Variants in GRIK4 observed in about 807,000 individuals in gnomAD.
GRIK4 encodes the protein glutamate receptor ionotropic, kainate 4.
Under a neutral mutation model 104.9 loss-of-function variants are expected in GRIK4, and 40 were observed. That is an observed-to-expected ratio of 0.38 (90% confidence interval 0.30 to 0.50). GRIK4 has a LOEUF of 0.50. GRIK4 is among the 20% of genes least tolerant of loss of function. The probability of loss-of-function intolerance (pLI) is 0.93; values close to 1 mark genes in which losing one functional copy is unlikely to be tolerated. For synonymous variants in GRIK4, 485 were observed against 524.9 expected, an observed-to-expected ratio of 0.92 and a Z score of 1.04; for missense variants, 1,047 against 1,308.1, an observed-to-expected ratio of 0.80 and a Z score of 3.08.
At chr11:120,867,721 CA>C (rs1013432896) in intron 9 of GRIK4, among the ~76,000 whole-genome samples, 1 of 151,936 alleles carries the variant, frequency 6.6e-6, no homozygotes, top group African/African-American at 2.4e-5. Flanking sequence ...TCCATGCCCC[CA>C]GGCCATACCT....
chr11:120,806,382 T>A lies in GRIK4; in HGVS notation c.247+3525T>A, dbSNP rs139350942. 1.5e-3 allele frequency among the ~76,000 whole-genome samples: 227 copies of A among 152,308 alleles called. 1 individual carries two copies. Among genetic ancestry groups the A allele is most frequent in the African/African-American group, 5.4e-3 (223 of 41,568 alleles). ...GATAGCTCTGAGCCTTTTAAAGTTG[T>A]GGTGAGCCACCTCAAGCCAGCTGCT... On this transcript the variant is annotated intron_variant, in intron 4 of 20. Transcript: ENST00000527524.
chr11:120,914,027 C>T (rs771678121), intron 13 of GRIK4, among the ~76,000 whole-genome samples: 3 of 152,220 alleles, frequency 2.0e-5, no homozygotes, highest in African/African-American at 7.2e-5. Context: ...GTGTGACAGC[C>T]GAGCTCAGCG....
intron 8 of GRIK4, among the ~76,000 whole-genome samples, chr11:120,855,357 G>T (rs7342200): frequency 2.0e-5 from 3 of 152,048 alleles, no homozygotes; most frequent in Admixed American, 1.3e-4. Flanking sequence ...GAACAGATGC[G>T]ATGTGAGGCA....
intron 3 of GRIK4, among the ~76,000 whole-genome samples, chr11:120,675,783 G>A (rs1461705166): frequency 4.6e-5 from 7 of 152,272 alleles, no homozygotes; most frequent in Admixed American, 3.3e-4. Context: ...ATGAGCTAAT[G>A]TATGGAAAAT....
intron 3 of GRIK4, among the ~76,000 whole-genome samples, chr11:120,730,334 G>A (rs549740379): frequency 1.3e-5 from 2 of 152,196 alleles, no homozygotes; most frequent in African/African-American, 4.8e-5. Context: ...CTCCAGCCTG[G>A]GTGACAAAGT....
rs145485333 is a variant in GRIK4, at chr11:120,962,912, A to C, written c.2266+231A>C. On this transcript the variant is annotated intron_variant, in intron 18 of 20. Coordinates refer to ENST00000527524, the MANE Select transcript of GRIK4 (RefSeq NM_014619.5). ...TTAATTATTAAAGAGCTAGTTGATT[A>C]GTTACTGATTGATTAATTGACTAAT... The C allele has an allele frequency of 4.7e-3, 2,038 of 433,814 alleles. 5 individuals are homozygous for C. The highest frequency in any genetic ancestry group is 6.6e-3 in the Non-Finnish European group (1,614 of 245,656). The allele number at this position is 433,814 out of a possible 1,614,324, so 26.9% of individuals were successfully genotyped here.
chr11:120,927,586 A>G (rs3018282), intron 13 of GRIK4, among the ~76,000 whole-genome samples: 43,064 of 93,648 alleles, frequency 0.46, 9,390 homozygotes, highest in East Asian at 0.58. Flanking sequence ...AAAAAAAAAA[A>G]AAAGAAAGAA....
At chr11:120,780,886 C>T (rs1054725517) in intron 3 of GRIK4, among the ~76,000 whole-genome samples, 10 of 152,188 alleles carry the variant, frequency 6.6e-5, no homozygotes, top group African/African-American at 2.2e-4. Context: ...GGACTACAGG[C>T]GCCTGCCACC....
At chr11:120,958,439 C>G (rs2134719469) in intron 16 of GRIK4, among the ~76,000 whole-genome samples, 1 of 152,374 alleles carries the variant, frequency 6.6e-6, no homozygotes, top group East Asian at 1.9e-4. Context: ...GCTTCTCTCC[C>G]AGCACACTAA....
chr11:120,729,281 A>C (rs2135388668), intron 3 of GRIK4, among the ~76,000 whole-genome samples: 1 of 152,318 alleles, frequency 6.6e-6, no homozygotes, highest in South Asian at 2.1e-4. Flanking sequence ...CATACCTAGC[A>C]GTGGATTCCT....
chr11:120,834,902 C>T (rs765007957), intron 7 of GRIK4, among the ~76,000 whole-genome samples: 9 of 152,250 alleles, frequency 5.9e-5, no homozygotes, highest in Admixed American at 5.2e-4. Flanking sequence ...CCCAGCCTGT[C>T]GCTGTAAGCA....
chr11:120,899,847 C>G (rs1446221594), intron 12 of GRIK4, among the ~76,000 whole-genome samples: 1 of 152,198 alleles, frequency 6.6e-6, no homozygotes, highest in Non-Finnish European at 1.5e-5. Flanking sequence ...CAGCCCAGAG[C>G]AAAGAGGCGA....
intron 13 of GRIK4, among the ~76,000 whole-genome samples, chr11:120,915,045 G>C (rs1000255416): frequency 6.6e-6 from 1 of 152,144 alleles, no homozygotes; most frequent in Non-Finnish European, 1.5e-5. Context: ...CATGGGTTAA[G>C]GTCGTCCTGC....
At chr11:120,711,391 A>G (rs1436161879) in intron 3 of GRIK4, among the ~76,000 whole-genome samples, 3 of 152,134 alleles carry the variant, frequency 2.0e-5, no homozygotes, top group Admixed American at 1.3e-4. Flanking sequence ...GGTGCCCATC[A>G]CCTGCCTCTG....
chr11:120,624,010 C>T (rs554186785), intron 1 of GRIK4, among the ~76,000 whole-genome samples: 3 of 151,644 alleles, frequency 2.0e-5, no homozygotes, highest in East Asian at 2.0e-4. Flanking sequence ...CTCCCCTTTC[C>T]GCCCTGCCTC....
At chr11:120,636,533 T>TTCTTCCCCTAG (rs1949398854) in intron 1 of GRIK4, among the ~76,000 whole-genome samples, 1 of 152,102 alleles carries the variant, frequency 6.6e-6, no homozygotes, top group Non-Finnish European at 1.5e-5. Context: ...TCAGTTCGGA[T>TTCTTCCCCTAG]TCTTCCCTAG....
intron 1 of GRIK4, among the ~76,000 whole-genome samples, chr11:120,514,645 G>C (rs943932753): frequency 5.3e-5 from 8 of 152,064 alleles, no homozygotes; most frequent in African/African-American, 1.9e-4. Flanking sequence ...TAGACTGGCT[G>C]CCTGGGTGTC....
intron 3 of GRIK4, among the ~76,000 whole-genome samples, chr11:120,718,268 G>A (rs938529977): frequency 1.4e-4 from 21 of 151,690 alleles, no homozygotes; most frequent in South Asian, 2.1e-4. Flanking sequence ...TCCTCTCCCC[G>A]TCTTTACCCA....
intron 1 of GRIK4, among the ~76,000 whole-genome samples, chr11:120,597,306 G>A (rs1591724488): frequency 6.6e-6 from 1 of 152,246 alleles, no homozygotes. Flanking sequence ...ATGATGAGGA[G>A]ATGATGTTTC....
Sources: allele counts gnomAD v4.1 joint callset (sites outside exome capture counted in the v4.1 genomes callset), GRCh38; gene constraint gnomAD v4.1.1; transcripts MANE v1.5; gene names NCBI Gene and HGNC (gene_info 2026-07-23, HGNC 2026-07-21).